CNTLN: variants seen among roughly 807,000 people sequenced by gnomAD.
The protein encoded by CNTLN is centlein, also known as centlein, centrosomal protein.
CNTLN carries 212 observed loss-of-function variants against 180.0 expected under a neutral mutation model. The observed-to-expected ratio is 1.18, with a 90% confidence interval of 1.05 to 1.32. CNTLN has a LOEUF of 1.32. CNTLN is among the 40% of genes most tolerant of loss of function. The pLI is 0.00. For missense variants in CNTLN, 2,095 were observed against 1,610.9 expected, an observed-to-expected ratio of 1.30 and a Z score of -5.14; for synonymous variants, 722 against 563.1, an observed-to-expected ratio of 1.28 and a Z score of -3.99.
intron 12 of CNTLN, among the ~76,000 whole-genome samples, chr9:17,365,785 T>A (rs1823767576): frequency 2.6e-5 from 4 of 151,978 alleles, no homozygotes; most frequent in Non-Finnish European, 4.4e-5. Flanking sequence ...AAAACCCTGA[T>A]TGTACAAAAA....
At chr9:17,297,569 C>G (rs1265950215) in intron 6 of CNTLN, among the ~76,000 whole-genome samples, 1 of 152,080 alleles carries the variant, frequency 6.6e-6, no homozygotes, top group East Asian at 1.9e-4. Context: ...TTCATTTGTC[C>G]TCCTGCTTAT....
chr9:17,193,727 C>A lies in CNTLN; in HGVS notation c.450-32476C>A, dbSNP rs148516644. 1.5e-3 allele frequency among the ~76,000 whole-genome samples: 234 copies of A among 152,226 alleles called. 1 individual carries two copies. Among genetic ancestry groups the A allele is most frequent in the African/African-American group, 5.5e-3 (228 of 41,536 alleles). On this transcript the variant is annotated intron_variant, in intron 2 of 25. Transcript: ENST00000380647. ...ATTCTGGCATTTGGATGATAGTGCC[C>A]CTCTTCTCACAGTTCCACTAGGCAT... is the stretch of plus-strand genomic sequence containing the variant.
intron 1 of CNTLN, among the ~76,000 whole-genome samples, chr9:17,138,496 T>G (rs1800951364): frequency 6.6e-6 from 1 of 152,236 alleles, no homozygotes; most frequent in Admixed American, 6.5e-5. Flanking sequence ...AGTTATATTT[T>G]ATGTTAGAAA....
At chr9:17,511,396 C>G in the CNTLN span, among the ~76,000 whole-genome samples, 2 of 152,182 alleles carry the variant, frequency 1.3e-5, no homozygotes, top group African/African-American at 4.8e-5. Context: ...GGGCCAGTGT[C>G]TGTGGATCAA....
chr9:17,232,347 GCT>G (rs1210079238), intron 3 of CNTLN, among the ~76,000 whole-genome samples: 1 of 151,846 alleles, frequency 6.6e-6, no homozygotes, highest in African/African-American at 2.4e-5. Context: ...ATTTTATTAT[GCT>G]TTTTAATTTA....
chr9:17,298,611 T>G (rs1818122120), intron 7 of CNTLN: 1 of 1,067,966 alleles, frequency 9.4e-7, no homozygotes, highest in Admixed American at 5.2e-5. Context: ...TAAATTGGCA[T>G]TCAGACAGCT....
intron 18 of CNTLN, among the ~76,000 whole-genome samples, chr9:17,456,677 C>G (rs1356662836): frequency 6.6e-6 from 1 of 152,008 alleles, no homozygotes. Context: ...ATCATTTTGT[C>G]TAATTGTACC....
At position 17,342,342 on chromosome 9, in the gene CNTLN, T is replaced by C. The variant is rs771929630; in HGVS notation, c.1784T>C (p.Ile595Thr). The C allele has an allele frequency of 1.2e-6, 2 of 1,612,014 alleles. No individual in the cohort carries two copies. The highest frequency in any genetic ancestry group is 2.2e-5 in the South Asian group (2 of 90,564). Residue 595 changes from isoleucine (I) to threonine (T), a missense_variant, in exon 12 of 26, where the codon ATA becomes ACA. By Grantham distance (89) the Ile-to-Thr change is moderately conservative (BLOSUM62 -1). Coordinates refer to ENST00000380647, the MANE Select transcript of CNTLN (RefSeq NM_017738.4). ...EGSGMTEIRK[I>T]KRADPQQLRQ... Reference sequence around the variant, plus strand: ...AAAAATAGGACTGAAATCAGGAAAATAAAGAGAGCAGATCCCCAACAACTT... The same window carrying C: ...AAAAATAGGACTGAAATCAGGAAAACAAAGAGAGCAGATCCCCAACAACTT...
intron 18 of CNTLN, among the ~76,000 whole-genome samples, chr9:17,419,757 C>T (rs1170567119): frequency 6.6e-6 from 1 of 152,022 alleles, no homozygotes; most frequent in Non-Finnish European, 1.5e-5. Context: ...ATAAATAAAG[C>T]TAAATTTTTA....
chr9:17,214,046 C>T (rs1823540576), intron 2 of CNTLN, among the ~76,000 whole-genome samples: 2 of 152,076 alleles, frequency 1.3e-5, no homozygotes, highest in Non-Finnish European at 1.5e-5. Context: ...AGCATTTAGC[C>T]CATTTACATT....
chr9:17,178,594 G>A (rs146563813), intron 2 of CNTLN, among the ~76,000 whole-genome samples: 2,043 of 152,188 alleles, frequency 0.013, 50 homozygotes, highest in African/African-American at 0.047. Context: ...GCTAAGGCCC[G>A]GTGAGAAATC....
intron 6 of CNTLN, among the ~76,000 whole-genome samples, chr9:17,274,237 A>G (rs1040167971): frequency 3.3e-5 from 5 of 152,078 alleles, no homozygotes; most frequent in African/African-American, 9.7e-5. Flanking sequence ...ATTATATTCT[A>G]TATAGTTTGT....
intron 6 of CNTLN, among the ~76,000 whole-genome samples, chr9:17,289,575 G>T (rs1587510361): frequency 7.4e-6 from 1 of 134,606 alleles, no homozygotes; most frequent in African/African-American, 3.2e-5. Flanking sequence ...GATTGGGGAA[G>T]TTCTCCTGGA....
intron 18 of CNTLN, among the ~76,000 whole-genome samples, chr9:17,434,308 A>G (rs973351625): frequency 2.0e-5 from 3 of 151,386 alleles, no homozygotes; most frequent in Non-Finnish European, 4.4e-5. Context: ...GTCTTTTTCT[A>G]ACTGCTTGCT....
chr9:17,302,057 A>G, intron 7 of CNTLN: 1 of 984,798 alleles, frequency 1.0e-6, no homozygotes, highest in Non-Finnish European at 1.2e-6. Context: ...GACTATTACT[A>G]TTCATTATAG....
At chr9:17,362,533 GAGT>G (rs1823481217) in intron 12 of CNTLN, among the ~76,000 whole-genome samples, 1 of 152,048 alleles carries the variant, frequency 6.6e-6, no homozygotes, top group Non-Finnish European at 1.5e-5. Context: ...GAAGTATACT[GAGT>G]GAGGGGAAGG....
chr9:17,293,410 C>G (rs1005285584), intron 6 of CNTLN, among the ~76,000 whole-genome samples: 3 of 152,206 alleles, frequency 2.0e-5, no homozygotes, highest in Non-Finnish European at 2.9e-5. Context: ...CTGTGGCTGC[C>G]TCTCCCACTA....
chr9:17,480,212 C>T (rs12005282), intron 23 of CNTLN, among the ~76,000 whole-genome samples: 4,639 of 151,962 alleles, frequency 0.031, 238 homozygotes, highest in African/African-American at 0.11. Flanking sequence ...AAAACATATC[C>T]GTACCAAAAA....
At chr9:17,139,972 G>A (rs78656113) in intron 1 of CNTLN, among the ~76,000 whole-genome samples, 5,481 of 152,214 alleles carry the variant, frequency 0.036, 336 homozygotes, top group African/African-American at 0.13. Flanking sequence ...CAGCCTTATA[G>A]GGGTGAGCTA....
Sources: allele counts gnomAD v4.1 joint callset (sites outside exome capture counted in the v4.1 genomes callset), GRCh38; gene constraint gnomAD v4.1.1; transcripts MANE v1.5; gene names NCBI Gene and HGNC (gene_info 2026-07-23, HGNC 2026-07-21).